The following MED13L variants were observed in gnomAD, a reference collection of about 807,000 sequenced individuals.
The protein encoded by MED13L is mediator complex subunit 13L.
In MED13L, 7 loss-of-function variants were observed where a neutral mutation model predicts 220.9. The ratio of observed to expected loss-of-function variants is 0.03; its 90% confidence interval spans 0.02 to 0.06. The LOEUF (loss-of-function observed/expected upper bound fraction) is 0.06, where lower values mean the gene tolerates loss of function less well. Among genes scored for constraint, MED13L ranks in the 10% least tolerant of loss-of-function variants. MED13L has a pLI of 1.00. For synonymous variants in MED13L, 1,011 were observed against 1,015.2 expected, an observed-to-expected ratio of 1.00 and a Z score of 0.08; for missense variants, 1,965 against 2,760.5, an observed-to-expected ratio of 0.71 and a Z score of 6.46.
chr12:116,176,077 GA>G (rs1009844798), intron 2 of MED13L, among the ~76,000 whole-genome samples: 1 of 151,930 alleles, frequency 6.6e-6, no homozygotes, highest in Non-Finnish European at 1.5e-5. Flanking sequence ...AGTGAGAGGA[GA>G]AAAAAAGTGG....
chr12:116,240,183 GC>G (rs1870489730), intron 1 of MED13L, among the ~76,000 whole-genome samples: 1 of 151,924 alleles, frequency 6.6e-6, no homozygotes, highest in African/African-American at 2.4e-5. Context: ...TGCAACACTG[GC>G]CTCCCAGGTT....
intron 2 of MED13L, among the ~76,000 whole-genome samples, chr12:116,160,530 T>C (rs1264437837): frequency 6.6e-6 from 1 of 151,852 alleles, no homozygotes; most frequent in African/African-American, 2.4e-5. Context: ...CTCAGCTCCT[T>C]TGGGCCTTGG....
chr12:116,200,072 T>A (rs1302236920), intron 2 of MED13L, among the ~76,000 whole-genome samples: 4 of 88,228 alleles, frequency 4.5e-5, no homozygotes, highest in Admixed American at 1.3e-4. Flanking sequence ...GGCAGGAGGA[T>A]GCTTTTCAAA....
At chr12:116,181,282 T>C (rs1880501469) in intron 2 of MED13L, 1 of 150,248 alleles carries the variant, frequency 6.7e-6, no homozygotes, top group African/African-American at 2.5e-5. Flanking sequence ...ACATCCTTTA[T>C]AAATCATCTT....
chr12:116,019,673 A>G, intron 6 of MED13L, 105 bp downstream of exon 6: 2 of 1,371,402 alleles, frequency 1.5e-6, no homozygotes, highest in East Asian at 2.4e-5. Context: ...ATTTCTTTAA[A>G]AAGATGGGTA....
At chr12:116,202,525 G>C (rs1177908533) in intron 2 of MED13L, among the ~76,000 whole-genome samples, 3 of 152,146 alleles carry the variant, frequency 2.0e-5, no homozygotes, top group African/African-American at 7.2e-5. Flanking sequence ...AACAGTTAGA[G>C]GCAAGAGAGT....
intron 9 of MED13L, among the ~76,000 whole-genome samples, chr12:116,009,635 G>C (rs1244023665): frequency 2.0e-5 from 3 of 152,138 alleles, no homozygotes; most frequent in Non-Finnish European, 2.9e-5. Context: ...AAAACAGTAA[G>C]TTTCAATCCT....
intron 2 of MED13L, among the ~76,000 whole-genome samples, chr12:116,164,784 C>T (rs1226870188): frequency 6.6e-6 from 1 of 152,108 alleles, no homozygotes; most frequent in African/African-American, 2.4e-5. Flanking sequence ...GATGTTAAAG[C>T]CTAGGTATAG....
chr12:116,106,995 C>G (rs1246319113), intron 3 of MED13L, among the ~76,000 whole-genome samples: 3 of 152,028 alleles, frequency 2.0e-5, no homozygotes, highest in African/African-American at 7.2e-5. Flanking sequence ...AACAGTTAAC[C>G]ACTTATTGAG....
At chr12:116,051,169 G>T (rs1868480710) in intron 4 of MED13L, among the ~76,000 whole-genome samples, 1 of 151,568 alleles carries the variant, frequency 6.6e-6, no homozygotes, top group African/African-American at 2.4e-5. Flanking sequence ...AAATGTTAAA[G>T]AATATTATAT....
intron 3 of MED13L, among the ~76,000 whole-genome samples, chr12:116,104,108 TC>T (rs974061655): frequency 6.2e-5 from 9 of 145,370 alleles, no homozygotes; most frequent in African/African-American, 1.8e-4. Context: ...CCTCCCAGGT[TC>T]AAGTGATTCT....
At position 116,179,669 on chromosome 12, in the gene MED13L, G is replaced by C. The variant is rs370332346; in HGVS notation, c.310+57799C>G. On this transcript the variant is annotated intron_variant, in intron 2 of 30. Coordinates refer to ENST00000281928, the MANE Select transcript of MED13L (RefSeq NM_015335.5). Reference sequence around the variant, plus strand: ...TGGTGTCAGATAATGGGGACATTCAGATACCTGAGCAGTGAATAACCTTTT... The same window carrying C: ...TGGTGTCAGATAATGGGGACATTCACATACCTGAGCAGTGAATAACCTTTT... Among the ~76,000 whole-genome samples, 4 of 147,928 alleles carry C rather than the reference G, an allele frequency of 2.7e-5. No individual in the cohort carries two copies. The East Asian group carries it at 6.1e-4, about 22-fold the overall frequency.
At chr12:115,971,476 G>A (rs1424774574) in intron 26 of MED13L, among the ~76,000 whole-genome samples, 1 of 152,154 alleles carries the variant, frequency 6.6e-6, no homozygotes, top group East Asian at 1.9e-4. Flanking sequence ...GGTAAAGATA[G>A]GTTATAAAAA....
At chr12:116,144,667 A>G (rs1877336451) in intron 2 of MED13L, among the ~76,000 whole-genome samples, 1 of 152,228 alleles carries the variant, frequency 6.6e-6, no homozygotes, top group African/African-American at 2.4e-5. Context: ...ATTAACTGAG[A>G]TAACACGTAA....
chr12:116,206,593 G>A (rs1882347124), intron 2 of MED13L, among the ~76,000 whole-genome samples: 2 of 152,008 alleles, frequency 1.3e-5, no homozygotes, highest in Non-Finnish European at 2.9e-5. Context: ...GCAAGCCAAA[G>A]GGCTGTTGAG....
chr12:116,169,339 G>A (rs1288054227), intron 2 of MED13L: 1 of 152,114 alleles, frequency 6.6e-6, no homozygotes, highest in Non-Finnish European at 1.5e-5. Flanking sequence ...GCAAAAATCA[G>A]GTCATGTACA....
chr12:116,046,954 CAG>C (rs1222859604), intron 4 of MED13L, among the ~76,000 whole-genome samples: 3 of 152,104 alleles, frequency 2.0e-5, no homozygotes, highest in Non-Finnish European at 2.9e-5. Flanking sequence ...GCCTGGGCGA[CAG>C]AGTGAGACTC....
intron 2 of MED13L, among the ~76,000 whole-genome samples, chr12:116,145,887 G>C (rs917569877): frequency 6.6e-6 from 1 of 151,790 alleles, no homozygotes; most frequent in African/African-American, 2.4e-5. Flanking sequence ...CCCACACATA[G>C]AGGCATGCTT....
chr12:116,256,807 T>C (rs1463174459), intron 1 of MED13L, among the ~76,000 whole-genome samples: 1 of 143,670 alleles, frequency 7.0e-6, no homozygotes, highest in Non-Finnish European at 1.5e-5. Flanking sequence ...CACCTCAGCC[T>C]CCAGAGTAGC....
Sources: gnomAD v4.1 joint callset for allele counts (sites outside exome capture counted in the v4.1 genomes callset) on GRCh38, gnomAD v4.1.1 for gene constraint, MANE v1.5 for transcripts, NCBI Gene and HGNC (gene_info 2026-07-23, HGNC 2026-07-21) for gene names.